The following MYBL1 variants were observed in gnomAD, a reference collection of about 807,000 sequenced individuals.
MYBL1 encodes MYB proto-oncogene like 1.
A neutral mutation model predicts 96.3 loss-of-function variants in MYBL1; 17 were observed. That is an observed-to-expected ratio of 0.18 (90% confidence interval 0.12 to 0.26). The LOEUF is 0.26. Among genes scored for constraint, MYBL1 ranks in the 10% least tolerant of loss-of-function variants. MYBL1 has a pLI of 1.00. For synonymous variants in MYBL1, 282 were observed against 292.7 expected, an observed-to-expected ratio of 0.96 and a Z score of 0.37; for missense variants, 701 against 882.9, an observed-to-expected ratio of 0.79 and a Z score of 2.61.
Position 66,606,963 on chromosome 8 carries a change from G to A in MYBL1, c.21-4440C>T, listed in dbSNP as rs573032234. 5.3e-5 allele frequency among the ~76,000 whole-genome samples: 8 copies of A among 152,036 alleles called. No individual in the cohort carries two copies. In the South Asian group the frequency reaches 1.7e-3, roughly 32 times the overall value. The stretch of plus-strand genomic sequence containing the variant: ...CTGCCATCATGCCTGGCTAATTTTT[G>A]AATTTTTTTCGTAGAGACGGGGTTT... On this transcript the variant is annotated intron_variant, in intron 1 of 15. Transcript: ENST00000522677.
chr8:66,608,362 A>G (rs184318530), intron 1 of MYBL1, among the ~76,000 whole-genome samples: 53 of 152,298 alleles, frequency 3.5e-4, no homozygotes, highest in Non-Finnish European at 6.5e-4. Flanking sequence ...AGAAGCAAGT[A>G]GAATTCTTAG....
intron 3 of MYBL1, among the ~76,000 whole-genome samples, chr8:66,601,425 A>G (rs1810069107): frequency 6.6e-6 from 1 of 152,084 alleles, no homozygotes; most frequent in African/African-American, 2.4e-5. Context: ...GTATTAGCAA[A>G]TATTTATAAG....
At chr8:66,610,633 T>C (rs533620026) in intron 1 of MYBL1, among the ~76,000 whole-genome samples, 14 of 152,218 alleles carry the variant, frequency 9.2e-5, no homozygotes, top group African/African-American at 3.4e-4. Context: ...GCAAGAGAGA[T>C]TTTTCCCAAT....
intron 1 of MYBL1, among the ~76,000 whole-genome samples, chr8:66,606,796 T>C (rs1387085040): frequency 7.9e-5 from 12 of 152,008 alleles, no homozygotes; most frequent in Admixed American, 6.5e-5. Context: ...GCTGTTTTTT[T>C]TTTTTCTTTT....
intron 1 of MYBL1, among the ~76,000 whole-genome samples, chr8:66,609,049 A>C (rs931517676): frequency 2.6e-5 from 4 of 152,136 alleles, no homozygotes; most frequent in Non-Finnish European, 4.4e-5. Flanking sequence ...GGTGATTATA[A>C]AACAGTCAAA....
chr8:66,574,785 TG>T (rs1808868280), intron 10 of MYBL1, among the ~76,000 whole-genome samples: 2 of 152,258 alleles, frequency 1.3e-5, no homozygotes, highest in African/African-American at 4.8e-5. Flanking sequence ...CTGGGAGCAG[TG>T]GCTCACGCCT....
At chr8:66,579,894 C>T (rs1248636697) in intron 9 of MYBL1, among the ~76,000 whole-genome samples, 1 of 151,952 alleles carries the variant, frequency 6.6e-6, no homozygotes, top group Non-Finnish European at 1.5e-5. Context: ...CTCTAATGCA[C>T]TTGTATAACT....
At chr8:66,571,369 C>A (rs1210265076) in intron 12 of MYBL1, among the ~76,000 whole-genome samples, 1 of 152,192 alleles carries the variant, frequency 6.6e-6, no homozygotes, top group Non-Finnish European at 1.5e-5. Flanking sequence ...TACATCATCT[C>A]TTTCAGCTTC....
chr8:66,597,650 C>G, intron 4 of MYBL1, 100 bp from the exon 5 acceptor site: 1 of 718,138 alleles, frequency 1.4e-6, no homozygotes. Context: ...TAAATCCAAG[C>G]CACAACTACA....
Position 66,612,878 on chromosome 8 carries a change from G to A in MYBL1, c.-40C>T, listed in dbSNP as rs779607589. ...ATAGGAGCAGGCTGGGCGGGGACGC[G>A]GGTCAGCCTCCTCCAGCCTCCGGCG... On this transcript the variant is annotated 5_prime_UTR_variant, in exon 1 of 16. Coordinates refer to ENST00000522677, the MANE Select transcript of MYBL1 (RefSeq NM_001080416.4). 5.2e-6 allele frequency: 7 copies of A among 1,340,066 alleles called. No homozygotes were observed. In the South Asian group the frequency reaches 9.5e-5, roughly 18 times the overall value. 83.0% of individuals were successfully genotyped at this position (1,340,066 alleles called of 1,614,324 possible).
At position 66,586,053 on chromosome 8, in the gene MYBL1, T is replaced by G. The variant is rs1300467925; in HGVS notation, c.868-5687A>C. ...TTTTGTTTTTTGGTGTTTTTTTTTT[T>G]TTTTTTTTTTGAGATAAGGTCCGGC... On this transcript the variant is annotated intron_variant, in intron 8 of 15. Transcript: ENST00000522677. Among the ~76,000 whole-genome samples the G allele has an allele frequency of 3.4e-5, 5 of 147,886 alleles. No individual in the cohort carries two copies. The South Asian group carries it at 8.6e-4, about 25-fold the overall frequency.
chr8:66,586,986 A>G (rs973786196), intron 8 of MYBL1, among the ~76,000 whole-genome samples: 2 of 152,146 alleles, frequency 1.3e-5, no homozygotes, highest in Non-Finnish European at 2.9e-5. Context: ...GAAGCTAAAA[A>G]AGTAGATCTC....
chr8:66,612,389 G>C (rs570896889), intron 1 of MYBL1: 10 of 184,162 alleles, frequency 5.4e-5, no homozygotes, highest in Non-Finnish European at 1.0e-4. Context: ...GGTTCACCGC[G>C]GAGTTCCTAT....
At chr8:66,598,465 C>G (rs1424316707) in intron 4 of MYBL1, among the ~76,000 whole-genome samples, 1 of 152,174 alleles carries the variant, frequency 6.6e-6, no homozygotes, top group East Asian at 1.9e-4. Flanking sequence ...AGTAAGGATG[C>G]TCTAATTCCT....
intron 1 of MYBL1, among the ~76,000 whole-genome samples, chr8:66,611,119 G>A (rs1212066874): frequency 2.0e-5 from 3 of 152,086 alleles, no homozygotes; most frequent in African/African-American, 4.8e-5. Flanking sequence ...AAAACCCATG[G>A]GGAGGGGAAG....
At chr8:66,601,125 C>T (rs1383595341) in intron 3 of MYBL1, among the ~76,000 whole-genome samples, 1 of 138,108 alleles carries the variant, frequency 7.2e-6, no homozygotes, top group Non-Finnish European at 1.5e-5. Flanking sequence ...TGCAGTGAGC[C>T]GAGATCGTGC....
chr8:66,572,420 A>G, intron 12 of MYBL1, 62 bp downstream of exon 12: 1 of 763,538 alleles, frequency 1.3e-6, no homozygotes. Flanking sequence ...AAGTGATAAA[A>G]ATCATAATTT....
At position 66,578,683 on chromosome 8, in the gene MYBL1, G is replaced by A. The variant is rs187718249; in HGVS notation, c.1101+1450C>T. Reference sequence around the variant, plus strand: ...CGGAAGTCAGTGTGGCGATTCCTCAGGGATCTAGAATAGAAATACCATTTG... The same window carrying A: ...CGGAAGTCAGTGTGGCGATTCCTCAAGGATCTAGAATAGAAATACCATTTG... On this transcript the variant is annotated intron_variant, in intron 9 of 15. Coordinates refer to ENST00000522677, the MANE Select transcript of MYBL1 (RefSeq NM_001080416.4). 1.9e-3 allele frequency among the ~76,000 whole-genome samples: 282 copies of A among 152,282 alleles called. 2 individuals are homozygous for A. The highest frequency in any genetic ancestry group is 5.2e-3 in the Admixed American group (79 of 15,296).
intron 14 of MYBL1, 134 bp from the exon 15 acceptor site, chr8:66,566,377 G>T (rs1808503569): frequency 3.7e-6 from 2 of 536,954 alleles, no homozygotes; most frequent in Non-Finnish European, 6.3e-6. Context: ...GAAATTTCTA[G>T]TAATGTAGTA....
Sources: gnomAD v4.1 joint callset for allele counts (sites outside exome capture counted in the v4.1 genomes callset) on GRCh38, gnomAD v4.1.1 for gene constraint, MANE v1.5 for transcripts, NCBI Gene and HGNC (gene_info 2026-07-23, HGNC 2026-07-21) for gene names.